HDLBP: variants seen among roughly 807,000 people sequenced by gnomAD.
The protein encoded by HDLBP is vigilin.
A neutral mutation model predicts 137.3 loss-of-function variants in HDLBP; 30 were observed. The observed-to-expected ratio is 0.22, with a 90% CI of 0.16 to 0.30. The LOEUF is 0.30. HDLBP is among the 10% of genes least tolerant of loss of function. The pLI, the probability that HDLBP is intolerant of heterozygous loss-of-function variation, is 1.00. For synonymous variants in HDLBP, 606 were observed against 596.0 expected (o/e 1.02, Z -0.24); for missense variants, 1,119 against 1,667.3 (o/e 0.67, Z 5.73).
rs530749470 is a variant in HDLBP, at chr2:241,240,390, C to T, written c.2170-268G>A. Among the ~76,000 whole-genome samples the T allele has an allele frequency of 4.6e-5, 7 of 152,352 alleles. No homozygotes were observed. Among genetic ancestry groups the T allele is most frequent in the Admixed American group, 2.0e-4 (3 of 15,314 alleles). ...CTTAGAACCCTGGTCCTGCCACTTA[C>T]AAGCACTGACCAAACTTCTCCAAGC... is the stretch of plus-strand genomic sequence containing the variant. On this transcript the variant is annotated intron_variant, in intron 17 of 27. Transcript: ENST00000310931. The surrounding 1 kb of genome is among the most constrained non-coding windows in gnomAD (Gnocchi z 5.5).
At chr2:241,314,963 G>A (rs962465096) in intron 1 of HDLBP, 3 of 152,138 alleles carry the variant, frequency 2.0e-5, no homozygotes, top group African/African-American at 4.8e-5. Flanking sequence ...GGGAGGAAAG[G>A]ACACCCCGGG....
In HDLBP at chr2:241,242,562, G is replaced by A. The variant is rs769356058; in HGVS notation, c.2067C>T (p.His689=). ...IMEECGGVHI[H]FPVEGSGSDT... ...CGCTTCCTGAACCTTCCACGGGAAA[G>A]TGAATGTGGACCCCGCCGCACTCCT... The change falls in exon 17 of 28, where the codon CAC becomes CAT. Residue 689 remains histidine, a synonymous_variant. Coordinates refer to ENST00000310931, the MANE Select transcript of HDLBP (RefSeq NM_005336.6). The A allele has an allele frequency of 1.1e-5, 18 of 1,614,224 alleles. No individual in the cohort carries two copies. The South Asian group carries it at 1.9e-4, about 17-fold the overall frequency.
intron 16 of HDLBP, among the ~76,000 whole-genome samples, chr2:241,245,703 A>G (rs1217628792): frequency 1.3e-5 from 2 of 152,262 alleles, no homozygotes; most frequent in East Asian, 3.9e-4. Context: ...TTGGAAGGCT[A>G]AGGTGGGAGG....
rs374554121 is a variant in HDLBP, at chr2:241,249,678, A to G, written c.1512+163T>C. On this transcript the variant is annotated intron_variant, in intron 12 of 27. Coordinates refer to ENST00000310931, the MANE Select transcript of HDLBP (RefSeq NM_005336.6). Reference sequence around the variant, plus strand: ...AAGACGTGCAGGTGACCTGGGGAGGATAAAGGAAATGTGGCCCCAGGGAGT... The same window carrying G: ...AAGACGTGCAGGTGACCTGGGGAGGGTAAAGGAAATGTGGCCCCAGGGAGT... 1.2e-3 allele frequency among the ~76,000 whole-genome samples: 186 copies of G among 152,296 alleles called. 1 individual carries two copies. The highest frequency in any genetic ancestry group is 4.4e-3 in the African/African-American group (182 of 41,550).
chr2:241,263,051 G>T, intron 4 of HDLBP, 125 bp from the exon 5 acceptor site: 2 of 713,426 alleles, frequency 2.8e-6, no homozygotes, highest in Non-Finnish European at 4.7e-6. Context: ...CACAGGCACT[G>T]CTCGAAGCCC....
intron 1 of HDLBP, among the ~76,000 whole-genome samples, chr2:241,313,882 T>C (rs1300904598): frequency 6.6e-6 from 1 of 152,214 alleles, no homozygotes. Flanking sequence ...GTGCTCTCCT[T>C]ACACTCAATG....
At chr2:241,284,662 C>A (rs1039886315) in intron 1 of HDLBP, among the ~76,000 whole-genome samples, 3 of 152,188 alleles carry the variant, frequency 2.0e-5, no homozygotes, top group African/African-American at 7.2e-5. Flanking sequence ...AATCAAACAA[C>A]ATCACGTGCT....
intron 1 of HDLBP, chr2:241,269,591 C>G (rs1033515689): frequency 6.6e-6 from 1 of 152,138 alleles, no homozygotes; most frequent in Admixed American, 6.5e-5. Context: ...CTATGGGGCC[C>G]CAGATGCACC....
chr2:241,250,393 A>C, intron 11 of HDLBP: 1 of 157,860 alleles, frequency 6.3e-6, no homozygotes, highest in Non-Finnish European at 1.4e-5. Context: ...CATTAACTCC[A>C]CACAAAAGCA....
chr2:241,236,528 C>T (rs1002363661), intron 21 of HDLBP, 87 bp downstream of exon 21: 62 of 1,383,154 alleles, frequency 4.5e-5, no homozygotes, highest in Admixed American at 2.0e-4. Context: ...CTTGGGCAAC[C>T]GTCCATCCCA....
intron 12 of HDLBP, among the ~76,000 whole-genome samples, chr2:241,248,914 A>G (rs959737788): frequency 1.3e-5 from 2 of 152,188 alleles, no homozygotes; most frequent in African/African-American, 4.8e-5. Context: ...TCAGGGAAGA[A>G]CACCAACAGC....
intron 1 of HDLBP, among the ~76,000 whole-genome samples, chr2:241,288,039 G>GA (rs1465289985): frequency 1.3e-5 from 2 of 152,232 alleles, no homozygotes; most frequent in Non-Finnish European, 2.9e-5. Flanking sequence ...AAGTGTTTGT[G>GA]AGAGTTATCA....
chr2:241,265,103 T>C (rs979373063), intron 3 of HDLBP, among the ~76,000 whole-genome samples: 1 of 152,228 alleles, frequency 6.6e-6, no homozygotes, highest in Non-Finnish European at 1.5e-5. Context: ...GATTTTCCAC[T>C]GTAACATACA....
chr2:241,245,094 G>A (rs549060296), intron 16 of HDLBP, among the ~76,000 whole-genome samples: 19 of 151,996 alleles, frequency 1.3e-4, no homozygotes, highest in African/African-American at 2.4e-4. Context: ...TTATTTAACC[G>A]TGTTTGTTAA....
At chr2:241,271,003 CAG>C in intron 1 of HDLBP, 1 of 985,262 alleles carries the variant, frequency 1.0e-6, no homozygotes, top group Non-Finnish European at 1.2e-6. Context: ...ATGGCCTTCT[CAG>C]GGCCCGGGTC....
At chr2:241,264,318 C>T in intron 4 of HDLBP, 130 bp downstream of exon 4, 1 of 580,222 alleles carries the variant, frequency 1.7e-6, no homozygotes, top group Non-Finnish European at 2.9e-6. Context: ...GCCGAGATCG[C>T]ACCACTGCAC....
At chr2:241,245,792 C>G (rs2071620340) in intron 16 of HDLBP, among the ~76,000 whole-genome samples, 1 of 152,056 alleles carries the variant, frequency 6.6e-6, no homozygotes, top group Non-Finnish European at 1.5e-5. Flanking sequence ...ACAGCAAGAC[C>G]TCATCTCCAA....
intron 1 of HDLBP, among the ~76,000 whole-genome samples, chr2:241,294,130 G>T (rs2075098671): frequency 6.6e-6 from 1 of 152,110 alleles, no homozygotes; most frequent in African/African-American, 2.4e-5. Flanking sequence ...TGTATCTTCT[G>T]GTAGCTCCCA....
chr2:241,289,209 G>A (rs567800725), intron 1 of HDLBP, among the ~76,000 whole-genome samples: 1 of 152,276 alleles, frequency 6.6e-6, no homozygotes, highest in African/African-American at 2.4e-5. Flanking sequence ...GAGAGCATGT[G>A]GCACTCCAAT....
Sources: gnomAD v4.1 joint callset for allele counts (sites outside exome capture counted in the v4.1 genomes callset) on GRCh38, gnomAD v4.1.1 for gene constraint, Gnocchi (gnomAD v3.1) non-coding constraint, MANE v1.5 for transcripts, NCBI Gene and HGNC (gene_info 2026-07-23, HGNC 2026-07-21) for gene names.